PODXL2: variants seen among roughly 807,000 people sequenced by gnomAD.
PODXL2 encodes podocalyxin-like protein 2.
PODXL2 carries 17 observed loss-of-function variants against 53.4 expected under a neutral mutation model. That is an observed-to-expected ratio of 0.32 (90% CI 0.22 to 0.48). The LOEUF (loss-of-function observed/expected upper bound fraction) is 0.48, where lower values mean the gene tolerates loss of function less well. Among genes scored for constraint, PODXL2 ranks in the 20% least tolerant of loss-of-function variants. The pLI is 0.99. For missense variants in PODXL2, 673 were observed against 760.0 expected (o/e 0.89, Z 1.35); for synonymous variants, 311 against 306.7 (o/e 1.01, Z -0.15).
intron 1 of PODXL2, among the ~76,000 whole-genome samples, chr3:127,631,236 C>T (rs2074543484): frequency 6.6e-6 from 1 of 152,152 alleles, no homozygotes; most frequent in Non-Finnish European, 1.5e-5. Flanking sequence ...CTGCAGGGCC[C>T]CTCCCATGTT....
At chr3:127,661,328 C>G (rs1033386631) in intron 3 of PODXL2, among the ~76,000 whole-genome samples, 169 bp downstream of exon 3, 3 of 152,196 alleles carry the variant, frequency 2.0e-5, no homozygotes, top group African/African-American at 7.2e-5. Context: ...TCAGGGCCAA[C>G]AATGGGTGTT....
intron 2 of PODXL2, among the ~76,000 whole-genome samples, chr3:127,651,162 C>T (rs1224841909): frequency 6.6e-6 from 1 of 152,188 alleles, no homozygotes; most frequent in Non-Finnish European, 1.5e-5. Flanking sequence ...ACTCGGGAGG[C>T]TGAGGCAGGA....
chr3:127,629,815 T>A lies in PODXL2; in HGVS notation c.70+526T>A, dbSNP rs2074531055. 6.6e-6 allele frequency among the ~76,000 whole-genome samples: 1 copy of A among 152,036 alleles called. No homozygotes were observed. The highest frequency in any genetic ancestry group is 2.4e-5 in the African/African-American group (1 of 41,380). On this transcript the variant is annotated intron_variant, in intron 1 of 7. Coordinates refer to ENST00000342480, the MANE Select transcript of PODXL2 (RefSeq NM_015720.4). The surrounding 1 kb of genome is among the most constrained non-coding windows in gnomAD (Gnocchi z 6.4). Reference sequence around the variant, plus strand: ...GCGTTGCCGGGAGGGAGTGTGAGTGTGTCACGGTGAATGGGTATTCTCTCC... The same window carrying A: ...GCGTTGCCGGGAGGGAGTGTGAGTGAGTCACGGTGAATGGGTATTCTCTCC...
rs1303961538 is a variant in PODXL2, at chr3:127,629,261, T to C, written c.42T>C (p.Leu14=). 6.9e-5 allele frequency: 70 copies of C among 1,011,638 alleles called. No homozygotes were observed. The highest frequency in any genetic ancestry group is 8.0e-5 in the Non-Finnish European group (68 of 847,582). 62.7% of individuals were successfully genotyped at this position (1,011,638 alleles called of 1,614,324 possible). A position where few individuals can be genotyped will look rare whatever the true frequency, so the allele number is the denominator to read the frequency against. ...GGGCCGCCCGGCTGCCGCCGCTGCT[T>C]TCGCCGCTGCTGCTTCTGCTGGTTG... is the stretch of plus-strand genomic sequence containing the variant. The part of the protein sequence containing the change: ...LLRAARLPPL[L]SPLLLLLVGG... Residue 14 remains leucine (L), a synonymous_variant, in exon 1 of 8, where the codon CTT becomes CTC. Transcript: ENST00000342480. This position sits in a 1 kb window ranked among gnomAD's most constrained non-coding sequence, Gnocchi z 6.4.
chr3:127,662,200 TCGTAA>T, intron 3 of PODXL2, 32 bp from the exon 4 acceptor site: 1 of 1,586,838 alleles, frequency 6.3e-7, no homozygotes, highest in Non-Finnish European at 8.7e-7. Context: ...TCCTATGCCT[TCGTAA>T]CTGTCGCCCT....
chr3:127,645,423 A>G (rs528370511), intron 2 of PODXL2, among the ~76,000 whole-genome samples: 3 of 152,316 alleles, frequency 2.0e-5, no homozygotes, highest in African/African-American at 7.2e-5. Flanking sequence ...TTGAGTACCT[A>G]GCTCAAGAGG....
At chr3:127,657,510 G>A (rs1418599101) in intron 2 of PODXL2, among the ~76,000 whole-genome samples, 8 of 152,130 alleles carry the variant, frequency 5.3e-5, no homozygotes, top group African/African-American at 1.9e-4. Context: ...TTCTCTTTCA[G>A]AGTCATCTCT....
rs1427632249 is a variant in PODXL2, at chr3:127,639,240, C to T, written c.71-5C>T. On this transcript the variant is annotated splice_polypyrimidine_tract_variant and splice_region_variant and intron_variant, in intron 1 of 7. Transcript: ENST00000342480. ...CCTGACTGTCTGGCTTTTATGTCTG[C>T]ACAGGAGCGTTCCTGGGTGCCTGTG... The T allele has an allele frequency of 6.3e-7, 1 of 1,596,464 alleles. No homozygotes were observed. The highest frequency in any genetic ancestry group is 8.5e-7 in the Non-Finnish European group (1 of 1,172,446).
intron 4 of PODXL2, among the ~76,000 whole-genome samples, chr3:127,663,985 GA>G (rs1324510372): frequency 2.0e-5 from 3 of 152,060 alleles, no homozygotes; most frequent in Non-Finnish European, 4.4e-5. Context: ...TTTTATGGTA[GA>G]TTTTTTTTAT....
In PODXL2 at chr3:127,662,308, C is replaced by T; in HGVS notation, c.1203C>T (p.Asp401=). 1 of 1,613,230 alleles carries T rather than the reference C, an allele frequency of 6.2e-7. No individual in the cohort carries two copies. The highest frequency in any genetic ancestry group is 8.5e-7 in the Non-Finnish European group (1 of 1,179,418). The change falls in exon 4 of 8, where the codon GAC becomes GAT. Residue 401 remains aspartate, a synonymous_variant. Coordinates refer to ENST00000342480, the MANE Select transcript of PODXL2 (RefSeq NM_015720.4). ...YIILNMTENI[D]CEVFRQHRGP... The stretch of plus-strand genomic sequence containing the variant: ...TTCTGAACATGACAGAGAACATAGA[C>T]TGTGTGAGTGCCCAGCCAGGCTCCG...
rs1207655422 is a variant in PODXL2, at chr3:127,660,548, G to C, written c.520G>C (p.Glu174Gln). Residue 174 changes from glutamate (E) to glutamine (Q), a missense_variant, in exon 3 of 8, where the codon GAG becomes CAG. Physicochemically the swap from Glu to Gln is conservative, Grantham distance 29 (BLOSUM62 2). Around this residue, in one of 3 missense-constraint regions of PODXL2, gnomAD observed 588 missense variants for 668.3 expected, o/e 0.88. Coordinates refer to ENST00000342480, the MANE Select transcript of PODXL2 (RefSeq NM_015720.4). Reference sequence around the variant, plus strand: ...AGAGGAAGAGGAAGAGGAGGAGAGGGAGAAGGAAGAGGTAGAGAAACAAGA... The same window carrying C: ...AGAGGAAGAGGAAGAGGAGGAGAGGCAGAAGGAAGAGGTAGAGAAACAAGA... ...EEEEEEEEEREKEEVEKQEEE... is the reference protein window; with the variant it reads ...EEEEEEEEERQKEEVEKQEEE... 1.2e-6 allele frequency: 2 copies of C among 1,613,790 alleles called. No homozygotes were observed. The highest frequency in any genetic ancestry group is 8.5e-7 in the Non-Finnish European group (1 of 1,179,728).
Position 127,672,571 on chromosome 3 carries a change from C to A in PODXL2, c.*91C>A. The A allele has an allele frequency of 1.2e-6, 1 of 836,522 alleles. No individual in the cohort carries two copies. Among genetic ancestry groups the A allele is most frequent in the Non-Finnish European group, 1.7e-6 (1 of 586,398 alleles). 51.8% of individuals were successfully genotyped at this position (836,522 alleles called of 1,614,324 possible). A position where few individuals can be genotyped will look rare whatever the true frequency, so the allele number is the denominator to read the frequency against. ...CCCGGAGCCCGCACCAGCCCCGCGC[C>A]TACCCGGGCCGCCCCCGCGGCCTGG... On this transcript the variant is annotated 3_prime_UTR_variant, in exon 8 of 8. Coordinates refer to ENST00000342480, the MANE Select transcript of PODXL2 (RefSeq NM_015720.4).
At chr3:127,671,736 G>C in intron 7 of PODXL2, 123 bp downstream of exon 7, 1 of 937,930 alleles carries the variant, frequency 1.1e-6, no homozygotes, top group Non-Finnish European at 1.7e-6. Flanking sequence ...GGGTGAAGCA[G>C]CTGGTCAGCC....
At chr3:127,651,875 G>A (rs1206803756) in intron 2 of PODXL2, among the ~76,000 whole-genome samples, 4 of 152,246 alleles carry the variant, frequency 2.6e-5, no homozygotes, top group African/African-American at 9.6e-5. Flanking sequence ...GGCACACAGA[G>A]GCAAGTGGCC....
At chr3:127,651,914 A>G (rs1576430797) in intron 2 of PODXL2, among the ~76,000 whole-genome samples, 1 of 152,260 alleles carries the variant, frequency 6.6e-6, no homozygotes, top group East Asian at 1.9e-4. Context: ...TGCCTCCAGA[A>G]CCCTGAAGCT....
chr3:127,655,500 A>T (rs2074718896), intron 2 of PODXL2, among the ~76,000 whole-genome samples: 1 of 152,164 alleles, frequency 6.6e-6, no homozygotes, highest in African/African-American at 2.4e-5. Context: ...TGCACTGCGG[A>T]CTGTGCGCAG....
intron 1 of PODXL2, among the ~76,000 whole-genome samples, chr3:127,634,314 A>G (rs543565432): frequency 1.3e-5 from 2 of 152,102 alleles, no homozygotes; most frequent in Non-Finnish European, 2.9e-5. Context: ...AATCCCTGCT[A>G]CTCGGGAGGC....
intron 2 of PODXL2, among the ~76,000 whole-genome samples, chr3:127,658,890 A>G (rs916782858): frequency 1.2e-4 from 19 of 152,046 alleles, no homozygotes; most frequent in African/African-American, 4.3e-4. Context: ...TCCAGAAATC[A>G]TATTAGCTAG....
chr3:127,666,055 A>C (rs2074793598), intron 4 of PODXL2: 1 of 361,734 alleles, frequency 2.8e-6, no homozygotes. Context: ...AGATATACAT[A>C]TATCATGTAT....
Sources: gnomAD v4.1 joint callset for allele counts (sites outside exome capture counted in the v4.1 genomes callset) on GRCh38, gnomAD v4.1.1 for gene constraint, gnomAD v4.1.1 regional missense constraint, Gnocchi (gnomAD v3.1) non-coding constraint, MANE v1.5 for transcripts, NCBI Gene and HGNC (gene_info 2026-07-23, HGNC 2026-07-21) for gene names.